Variants in MYRIP observed in about 807,000 individuals in gnomAD.
MYRIP encodes myosin VIIA and Rab interacting protein, also known as rab effector MyRIP.
A neutral mutation model predicts 98.0 loss-of-function variants in MYRIP; 49 were observed. The observed-to-expected ratio is 0.50, with a 90% CI of 0.40 to 0.63. The LOEUF is 0.63. Among genes scored for constraint, MYRIP ranks in the 30% least tolerant of loss-of-function variants. MYRIP has a pLI of 0.00. For missense variants in MYRIP, 1,004 were observed against 1,058.2 expected (o/e 0.95, Z 0.71); for synonymous variants, 404 against 409.5 (o/e 0.99, Z 0.16).
At chr3:40,083,004 C>T (rs144057046) in intron 3 of MYRIP, among the ~76,000 whole-genome samples, 202 of 152,248 alleles carry the variant, frequency 1.3e-3, no homozygotes, top group Non-Finnish European at 1.6e-3. Context: ...TTACATTTAA[C>T]GGACATTTGA....
intron 1 of MYRIP, among the ~76,000 whole-genome samples, chr3:39,899,975 C>T (rs1316735320): frequency 6.6e-6 from 1 of 152,156 alleles, no homozygotes; most frequent in Non-Finnish European, 1.5e-5. Flanking sequence ...CGACGCTCAC[C>T]ATGCCCAGCT....
intron 16 of MYRIP, 69 bp from the exon 17 acceptor site, chr3:40,258,065 T>C (rs1366432126): frequency 1.3e-6 from 2 of 1,543,954 alleles, no homozygotes; most frequent in South Asian, 1.1e-5. Context: ...GCAGTAAACA[T>C]TATTTTTCAT....
chr3:39,972,772 C>T (rs2125746826), intron 2 of MYRIP, among the ~76,000 whole-genome samples: 1 of 149,536 alleles, frequency 6.7e-6, no homozygotes, highest in East Asian at 1.9e-4. Context: ...CAATTTTTTT[C>T]TTCTAAAATG....
intron 3 of MYRIP, among the ~76,000 whole-genome samples, chr3:40,142,788 G>A (rs887653657): frequency 1.3e-5 from 2 of 152,150 alleles, no homozygotes; most frequent in Admixed American, 1.3e-4. Context: ...AATAAGTCAG[G>A]GAAATCAAGC....
intron 1 of MYRIP, among the ~76,000 whole-genome samples, chr3:39,865,919 C>A (rs1234381650): frequency 6.6e-6 from 1 of 152,142 alleles, no homozygotes; most frequent in Non-Finnish European, 1.5e-5. Context: ...TGGACTCAAC[C>A]TAAATGCCCA....
At chr3:40,207,471 C>T (rs1053201352) in intron 10 of MYRIP, among the ~76,000 whole-genome samples, 10 of 152,176 alleles carry the variant, frequency 6.6e-5, no homozygotes, top group Non-Finnish European at 1.0e-4. Context: ...AAAATAGTCA[C>T]TTCCAATAGA....
chr3:40,084,006 A>G lies in MYRIP; in HGVS notation c.332+39735A>G, dbSNP rs552828818. Among the ~76,000 whole-genome samples the G allele has an allele frequency of 2.3e-3, 347 of 151,614 alleles. 2 individuals are homozygous for G. The South Asian group carries it at 0.035, about 15-fold the overall frequency. ...CAAAAAATTAGCCGGGTGTGGTGGC[A>G]GGCGTCTGTAGTCCCAGCTACTCAG... On this transcript the variant is annotated intron_variant, in intron 3 of 16. Transcript: ENST00000302541.
intron 2 of MYRIP, among the ~76,000 whole-genome samples, chr3:39,945,905 G>A (rs1944890058): frequency 6.6e-6 from 1 of 152,038 alleles, no homozygotes; most frequent in South Asian, 2.1e-4. Context: ...TAGGGGAGAA[G>A]AGGAAAAGGG....
In MYRIP at chr3:40,066,398, C is replaced by CT. The variant is rs1019443309; in HGVS notation, c.332+22136dup. ...AAGCAATCTTGAGATCTGAAGAAAACTTTTTTTTTCCTTTATTTATGTGGC... is the reference window on the plus strand; with the variant it reads ...AAGCAATCTTGAGATCTGAAGAAAACTTTTTTTTTTCCTTTATTTATGTGGC... On this transcript the variant is annotated intron_variant, in intron 3 of 16. Transcript: ENST00000302541. 2.0e-5 allele frequency among the ~76,000 whole-genome samples: 3 copies of CT among 151,830 alleles called. 1 individual carries two copies. The highest frequency in any genetic ancestry group is 4.2e-4 in the South Asian group (2 of 4,800).
intron 11 of MYRIP, among the ~76,000 whole-genome samples, chr3:40,224,613 C>T (rs1320505600): frequency 6.6e-6 from 1 of 152,112 alleles, no homozygotes; most frequent in Non-Finnish European, 1.5e-5. Context: ...AGAAAATGAC[C>T]TCAGGGAAAC....
chr3:40,103,104 C>T (rs1006897212), intron 3 of MYRIP, among the ~76,000 whole-genome samples: 2 of 151,990 alleles, frequency 1.3e-5, no homozygotes, highest in African/African-American at 4.8e-5. Flanking sequence ...TTCCAGGATT[C>T]TCCATCAACC....
At chr3:39,941,785 T>C (rs1390302211) in intron 2 of MYRIP, among the ~76,000 whole-genome samples, 1 of 152,120 alleles carries the variant, frequency 6.6e-6, no homozygotes, top group Non-Finnish European at 1.5e-5. Context: ...TAAATAATGC[T>C]ACAGTGAACA....
intron 2 of MYRIP, among the ~76,000 whole-genome samples, chr3:40,008,581 G>A (rs981704570): frequency 6.6e-6 from 1 of 152,148 alleles, no homozygotes; most frequent in Non-Finnish European, 1.5e-5. Context: ...CCAGAATCAA[G>A]AGCCAGCTCA....
At chr3:39,853,736 T>C (rs1291233944) in intron 1 of MYRIP, among the ~76,000 whole-genome samples, 1 of 152,252 alleles carries the variant, frequency 6.6e-6, no homozygotes, top group Non-Finnish European at 1.5e-5. Flanking sequence ...TTTCTTTTGC[T>C]GTGCAGAAGC....
intron 3 of MYRIP, among the ~76,000 whole-genome samples, chr3:40,130,629 C>G (rs995813948): frequency 4.6e-5 from 7 of 152,012 alleles, no homozygotes; most frequent in Non-Finnish European, 8.8e-5. Context: ...ATCCGCCCGC[C>G]TCGGCCTCCC....
At chr3:40,085,866 C>A (rs1948615508) in intron 3 of MYRIP, among the ~76,000 whole-genome samples, 1 of 152,160 alleles carries the variant, frequency 6.6e-6, no homozygotes, top group African/African-American at 2.4e-5. Flanking sequence ...ATAACCCCAT[C>A]TGACATTCAA....
At chr3:39,986,423 CCTCT>C (rs1057208458) in intron 2 of MYRIP, among the ~76,000 whole-genome samples, 2 of 151,282 alleles carry the variant, frequency 1.3e-5, no homozygotes, top group African/African-American at 4.9e-5. Context: ...CTCCCCACTC[CCTCT>C]CTGTCTCTTT....
intron 10 of MYRIP, among the ~76,000 whole-genome samples, chr3:40,197,641 T>G (rs753817395): frequency 5.3e-5 from 8 of 152,254 alleles, no homozygotes; most frequent in Non-Finnish European, 8.8e-5. Flanking sequence ...TGTAGTCTTT[T>G]AGTGTAAGTG....
intron 4 of MYRIP, among the ~76,000 whole-genome samples, chr3:40,161,379 A>G (rs1031995706): frequency 6.6e-6 from 1 of 152,036 alleles, no homozygotes; most frequent in Non-Finnish European, 1.5e-5. Context: ...ACTTTTTCAC[A>G]TCTCCCCTGT....
Sources: gnomAD v4.1 joint callset for allele counts (sites outside exome capture counted in the v4.1 genomes callset) on GRCh38, gnomAD v4.1.1 for gene constraint, MANE v1.5 for transcripts, NCBI Gene and HGNC (gene_info 2026-07-23, HGNC 2026-07-21) for gene names.